Variants in OR2V1 observed in about 807,000 individuals in gnomAD.
OR2V1 encodes olfactory receptor family 2 subfamily V member 1, also known as olfactory receptor 2V1.
In OR2V1, 18 loss-of-function variants were observed where a neutral mutation model predicts 15.0. The observed-to-expected ratio is 1.20, with a 90% CI of 0.83 to 1.78. The LOEUF is 1.78. Ranked by LOEUF, OR2V1 falls within the 40% of genes most tolerant of loss-of-function variation. The pLI is 0.00. For synonymous variants in OR2V1, 144 were observed against 146.1 expected (o/e 0.99, Z 0.10); for missense variants, 359 against 392.9 (o/e 0.91, Z 0.73).
chr5:181,125,010 C>T lies in OR2V1; in HGVS notation c.295G>A (p.Gly99Ser). ...GRKSISFVGCGIQIGFFVSLV... is the reference protein window; with the variant it reads ...GRKSISFVGCSIQIGFFVSLV... Reference sequence around the variant, plus strand: ...GAGACAAAAAAGCCAATTTGTATGCCACAGCCCACAAAGGAGATGGACTTC... The same window carrying T: ...GAGACAAAAAAGCCAATTTGTATGCTACAGCCCACAAAGGAGATGGACTTC... Residue 99 changes from glycine to serine, a missense_variant, in exon 4 of 4, where the codon GGC becomes AGC. Coordinates refer to ENST00000641551, the MANE Select transcript of OR2V1 (RefSeq NM_001258283.2). The T allele has an allele frequency of 6.2e-7, 1 of 1,614,136 alleles. No homozygotes were observed. Among genetic ancestry groups the T allele is most frequent in the South Asian group, 1.1e-5 (1 of 91,076 alleles).
chr5:181,124,808 C>T lies in OR2V1; in HGVS notation c.497G>A (p.Gly166Asp). Residue 166 changes from glycine (G) to aspartate (D), a missense_variant, in exon 4 of 4, where the codon GGC becomes GAC. Coordinates refer to ENST00000641551, the MANE Select transcript of OR2V1 (RefSeq NM_001258283.2). ...DGVIQMVAAMGLPYCGSRSVD... is the reference protein window; with the variant it reads ...DGVIQMVAAMDLPYCGSRSVD... ...GCTCCTTGAGCCACAGTAAGGTAAG[C>T]CCATGGCTGCCACCATCTGAATCAC... 4 of 1,593,364 alleles carry T rather than the reference C, an allele frequency of 2.5e-6. No homozygotes were observed. Among genetic ancestry groups the T allele is most frequent in the Non-Finnish European group, 3.4e-6 (4 of 1,170,340 alleles).
chr5:181,125,435 C>T, intron 3 of OR2V1, 110 bp from the exon 4 acceptor site: 2 of 787,800 alleles, frequency 2.5e-6, no homozygotes, highest in Non-Finnish European at 2.0e-6. Flanking sequence ...ACTCGTATTC[C>T]TGTGACACAG....
chr5:181,125,438 T>A (rs1762861680), intron 3 of OR2V1, 113 bp from the exon 4 acceptor site: 1 of 743,042 alleles, frequency 1.3e-6, no homozygotes, highest in African/African-American at 1.8e-5. Flanking sequence ...CGTATTCCTG[T>A]GACACAGGTG....
At position 181,123,823 on chromosome 5, in the gene OR2V1, T is replaced by C. The variant is rs1456339799; in HGVS notation, c.*534A>G. 6.6e-6 allele frequency: 1 copy of C among 152,224 alleles called. No individual in the cohort carries two copies. The highest frequency in any genetic ancestry group is 1.5e-5 in the Non-Finnish European group (1 of 68,070). The allele number at this position is 152,224 out of a possible 1,614,324, so 9.4% of individuals were successfully genotyped here. On this transcript the variant is annotated 3_prime_UTR_variant, in exon 4 of 4. Coordinates refer to ENST00000641551, the MANE Select transcript of OR2V1 (RefSeq NM_001258283.2). ...AGGCAAAGAACTGTCCAAAAAGAGTTATAGGGACTCAATTTCTGCCATTTA... is the reference window on the plus strand; with the variant it reads ...AGGCAAAGAACTGTCCAAAAAGAGTCATAGGGACTCAATTTCTGCCATTTA...
intron 2 of OR2V1, among the ~76,000 whole-genome samples, chr5:181,129,891 CCAGA>C (rs1762937803): frequency 6.6e-6 from 1 of 152,148 alleles, no homozygotes; most frequent in African/African-American, 2.4e-5. Context: ...AGTCTCCAAC[CCAGA>C]CAGAGGGAGG....
chr5:181,130,480 G>A (rs1198207865), intron 1 of OR2V1: 6 of 373,440 alleles, frequency 1.6e-5, no homozygotes, highest in Admixed American at 4.6e-5. Flanking sequence ...GTGGAGCCAG[G>A]AGCAGTGCCC....
Position 181,124,329 on chromosome 5 carries a change from GGGCACAGCA to G in OR2V1, c.*19_*27del. ...TTCCCAATGTGACACAGGCAAGAAG[GGGCACAGCA>G]GGCACCAGACTCTGGGGTTCAGTGC... On this transcript the variant is annotated 3_prime_UTR_variant, in exon 4 of 4. Transcript: ENST00000641551. 1 of 1,504,998 alleles carries G rather than the reference GGGCACAGCA, an allele frequency of 6.6e-7. No homozygotes were observed. 93.2% of individuals were successfully genotyped at this position (1,504,998 alleles called of 1,614,324 possible). A position where few individuals can be genotyped will look rare whatever the true frequency, so the allele number is the denominator to read the frequency against.
rs531857175 is a variant in OR2V1, at chr5:181,125,972, C to T, written c.-21-647G>A. ...TGCACTCCAGCCTGGGCAACAAGAG[C>T]GAAACTCCATTTCAATTAAAAAAAG... On this transcript the variant is annotated intron_variant, in intron 3 of 3. Transcript: ENST00000641551. 4.6e-5 allele frequency among the ~76,000 whole-genome samples: 7 copies of T among 152,012 alleles called. No homozygotes were observed. In the East Asian group the frequency reaches 5.8e-4, roughly 13 times the overall value.
chr5:181,130,732 G>C (rs1762949920), intron 1 of OR2V1, among the ~76,000 whole-genome samples: 1 of 152,198 alleles, frequency 6.6e-6, no homozygotes, highest in East Asian at 1.9e-4. Flanking sequence ...AGGGCCAGTG[G>C]GGACAGCGTG....
At position 181,124,106 on chromosome 5, in the gene OR2V1, T is replaced by C; in HGVS notation, c.*251A>G. The C allele has an allele frequency of 2.7e-6, 1 of 377,232 alleles. No homozygotes were observed. The highest frequency in any genetic ancestry group is 4.7e-6 in the Non-Finnish European group (1 of 213,348). The allele number at this position is 377,232 out of a possible 1,614,324, so 23.4% of individuals were successfully genotyped here. A position where few individuals can be genotyped will look rare whatever the true frequency, so the allele number is the denominator to read the frequency against. ...AATGACAATAATAGCAGCCGTTGCT[T>C]CTTCATGGAGCTTTAGATTGACACA... On this transcript the variant is annotated 3_prime_UTR_variant, in exon 4 of 4. Coordinates refer to ENST00000641551, the MANE Select transcript of OR2V1 (RefSeq NM_001258283.2).
intron 2 of OR2V1, among the ~76,000 whole-genome samples, 170 bp downstream of exon 2, chr5:181,130,003 A>T (rs1215304805): frequency 6.6e-6 from 1 of 152,224 alleles, no homozygotes; most frequent in Non-Finnish European, 1.5e-5. Flanking sequence ...TCACACCAGA[A>T]GACGGATGCC....
intron 1 of OR2V1, 51 bp from the exon 2 acceptor site, chr5:181,130,266 G>A: frequency 2.5e-6 from 1 of 398,880 alleles, no homozygotes; most frequent in Non-Finnish European, 4.4e-6. Flanking sequence ...TCCTGTGTTT[G>A]CTCCCACTGG....
intron 3 of OR2V1, among the ~76,000 whole-genome samples, chr5:181,127,917 C>T (rs1024725808): frequency 6.6e-6 from 1 of 151,854 alleles, no homozygotes; most frequent in Admixed American, 6.6e-5. Flanking sequence ...CTCCCCCCTC[C>T]CCCAGTCTCT....
chr5:181,125,187 G>A lies in OR2V1; in HGVS notation c.118C>T (p.Leu40Phe), dbSNP rs1356431679. The A allele has an allele frequency of 2.5e-6, 4 of 1,614,032 alleles. No homozygotes were observed. The highest frequency in any genetic ancestry group is 3.4e-6 in the Non-Finnish European group (4 of 1,180,054). ...AAGATGAGGAGGACATTCCCACAGA[G>A]GGCCACTGTGAAGACCACCATAACT... ...SAVMVVFTVA[L>F]CGNVLLIFLI... The change falls in exon 4 of 4, where the codon CTC becomes TTC. Residue 40 changes from leucine (L) to phenylalanine (F), a missense_variant. Leu to Phe is a conservative substitution (Grantham distance 22, BLOSUM62 0). Transcript: ENST00000641551.
chr5:181,126,846 C>G (rs370769882), intron 3 of OR2V1, among the ~76,000 whole-genome samples: 1 of 152,200 alleles, frequency 6.6e-6, no homozygotes, highest in Non-Finnish European at 1.5e-5. Flanking sequence ...ACACCCCGCA[C>G]GTCCCTCTGA....
chr5:181,127,173 T>C (rs1169356243), intron 3 of OR2V1, among the ~76,000 whole-genome samples: 1 of 152,248 alleles, frequency 6.6e-6, no homozygotes, highest in Non-Finnish European at 1.5e-5. Flanking sequence ...AATGAAAGCA[T>C]GTTTCTGTTC....
rs746810871 is a variant in OR2V1, at chr5:181,125,064, T to A, written c.241A>T (p.Lys81Ter). ...DLMLVCNIVP[K>*]MAANFLSGRK... ...CCAGACAGGAAGTTGGCTGCCATCT[T>A]TGGCACAATGTTACAGACCAACATG... The change falls in exon 4 of 4, where the codon AAG (lysine) becomes TAG (stop). Residue 81 changes from lysine to a stop codon, truncating the protein, a stop_gained. Transcript: ENST00000641551. LOFTEE classifies it high-confidence loss of function. 14 of 1,614,092 alleles carry A rather than the reference T, an allele frequency of 8.7e-6. No individual in the cohort carries two copies. Among genetic ancestry groups the A allele is most frequent in the Middle Eastern group, 3.3e-4 (2 of 6,084 alleles).
At chr5:181,126,216 T>C (rs554267464) in intron 3 of OR2V1, among the ~76,000 whole-genome samples, 4 of 152,258 alleles carry the variant, frequency 2.6e-5, no homozygotes, top group Admixed American at 6.5e-5. Context: ...CCCTCCTTTT[T>C]CTGATGGGTT....
chr5:181,126,247 C>T (rs764356940), intron 3 of OR2V1, among the ~76,000 whole-genome samples: 37 of 152,178 alleles, frequency 2.4e-4, no homozygotes, highest in Admixed American at 1.1e-3. Context: ...CTTCCCTGGT[C>T]TCCCAGCTTC....
Sources: allele counts gnomAD v4.1 joint callset (sites outside exome capture counted in the v4.1 genomes callset), GRCh38; gene constraint gnomAD v4.1.1; transcripts MANE v1.5; gene names NCBI Gene and HGNC (gene_info 2026-07-23, HGNC 2026-07-21).